Variants in LCLAT1 observed in about 807,000 individuals in gnomAD.
The protein encoded by LCLAT1 is 1-AGP acyltransferase 8.
A neutral mutation model predicts 30.7 loss-of-function variants in LCLAT1; 11 were observed. That is an observed-to-expected ratio of 0.36 (90% CI 0.23 to 0.59). The LOEUF (loss-of-function observed/expected upper bound fraction) is 0.59, where lower values mean the gene tolerates loss of function less well. Ranked by LOEUF, LCLAT1 falls within the 20% of genes least tolerant of loss-of-function variation. The pLI is 0.77. For missense variants in LCLAT1, 402 were observed against 458.6 expected, an observed-to-expected ratio of 0.88 and a Z score of 1.13; for synonymous variants, 155 against 151.3, an observed-to-expected ratio of 1.02 and a Z score of -0.18.
intron 3 of LCLAT1, among the ~76,000 whole-genome samples, chr2:30,534,588 T>C (rs1686150525): frequency 6.6e-6 from 1 of 152,222 alleles, no homozygotes; most frequent in African/African-American, 2.4e-5. Context: ...TGTTTGTGTT[T>C]TAATTGCCTT....
intron 4 of LCLAT1, among the ~76,000 whole-genome samples, chr2:30,564,962 A>G (rs772397012): frequency 1.3e-5 from 2 of 152,220 alleles, no homozygotes; most frequent in East Asian, 1.9e-4. Context: ...AAAACTTGCT[A>G]TAATCCCACT....
intron 5 of LCLAT1, among the ~76,000 whole-genome samples, chr2:30,610,549 C>T (rs1290490058): frequency 6.6e-6 from 1 of 152,082 alleles, no homozygotes; most frequent in Non-Finnish European, 1.5e-5. Flanking sequence ...TAACAGATCT[C>T]TCAGGTATTT....
intron 5 of LCLAT1, among the ~76,000 whole-genome samples, chr2:30,569,786 T>C (rs1665692830): frequency 6.6e-6 from 1 of 152,236 alleles, no homozygotes; most frequent in South Asian, 2.1e-4. Context: ...GTTATTCATA[T>C]TACTTTGGTT....
At chr2:30,493,227 A>G (rs763501600) in intron 1 of LCLAT1, among the ~76,000 whole-genome samples, 1 of 152,244 alleles carries the variant, frequency 6.6e-6, no homozygotes, top group Non-Finnish European at 1.5e-5. Flanking sequence ...TATTTAATGT[A>G]GACTTTCATA....
chr2:30,465,036 C>T (rs902625251), intron 1 of LCLAT1, among the ~76,000 whole-genome samples: 1 of 152,008 alleles, frequency 6.6e-6, no homozygotes, highest in African/African-American at 2.4e-5. Flanking sequence ...TAAAGAGATC[C>T]TCTGTGGTAG....
chr2:30,603,527 T>C (rs1024891267), intron 5 of LCLAT1, among the ~76,000 whole-genome samples: 1 of 152,066 alleles, frequency 6.6e-6, no homozygotes, highest in African/African-American at 2.4e-5. Context: ...CATACTCAAA[T>C]TCTCAATCAA....
At chr2:30,596,094 A>G (rs1397605051) in intron 5 of LCLAT1, among the ~76,000 whole-genome samples, 1 of 152,174 alleles carries the variant, frequency 6.6e-6, no homozygotes, top group Non-Finnish European at 1.5e-5. Flanking sequence ...GCTGCAGTAA[A>G]TACATGCGTG....
At chr2:30,470,387 C>T (rs753030132) in intron 1 of LCLAT1, among the ~76,000 whole-genome samples, 2 of 152,154 alleles carry the variant, frequency 1.3e-5, no homozygotes, top group Non-Finnish European at 2.9e-5. Context: ...ATTCAGGCTC[C>T]TACTGTAATT....
chr2:30,601,663 T>G (rs1386974825), intron 5 of LCLAT1, among the ~76,000 whole-genome samples: 2 of 38,694 alleles, frequency 5.2e-5, no homozygotes, highest in African/African-American at 2.8e-4. Flanking sequence ...GATCCCAAGA[T>G]TAATAGATGC....
intron 5 of LCLAT1, among the ~76,000 whole-genome samples, chr2:30,597,550 C>T (rs1666979270): frequency 6.6e-6 from 1 of 152,100 alleles, no homozygotes; most frequent in Non-Finnish European, 1.5e-5. Flanking sequence ...TGGGCTGAGG[C>T]AGTGGGATTT....
intron 3 of LCLAT1, among the ~76,000 whole-genome samples, chr2:30,557,660 C>T (rs1201530498): frequency 1.3e-5 from 2 of 152,142 alleles, no homozygotes; most frequent in Non-Finnish European, 2.9e-5. Context: ...GGTGATCCAC[C>T]TGCCTCGGCC....
intron 4 of LCLAT1, among the ~76,000 whole-genome samples, chr2:30,565,470 A>T (rs891350187): frequency 6.6e-6 from 1 of 152,202 alleles, no homozygotes; most frequent in African/African-American, 2.4e-5. Context: ...CATCTAGAAT[A>T]ATATTTGATG....
chr2:30,516,715 G>A (rs1456747397), intron 1 of LCLAT1, among the ~76,000 whole-genome samples: 1 of 152,148 alleles, frequency 6.6e-6, no homozygotes, highest in Non-Finnish European at 1.5e-5. Flanking sequence ...AACATCTGGT[G>A]GCCTGTACAG....
chr2:30,478,802 G>A (rs2148305446), intron 1 of LCLAT1, among the ~76,000 whole-genome samples: 1 of 152,312 alleles, frequency 6.6e-6, no homozygotes, highest in East Asian at 1.9e-4. Context: ...CTTTGGCATA[G>A]TATTTGTAAC....
chr2:30,526,232 T>G lies in LCLAT1; in HGVS notation c.165+477T>G, dbSNP rs553351473. On this transcript the variant is annotated intron_variant, in intron 2 of 5. Transcript: ENST00000379509. ...TCTGCCTTATTCTCTCTCTCCTCAT[T>G]TTGGGACTACAATTATATGTATGTT... Among the ~76,000 whole-genome samples the G allele has an allele frequency of 2.0e-5, 3 of 152,278 alleles. No individual in the cohort carries two copies. The East Asian group carries it at 5.8e-4, about 29-fold the overall frequency.
At chr2:30,448,538 G>T (rs548306875) in intron 1 of LCLAT1, among the ~76,000 whole-genome samples, 1 of 152,152 alleles carries the variant, frequency 6.6e-6, no homozygotes, top group Non-Finnish European at 1.5e-5. Flanking sequence ...ACGTAATAGC[G>T]CTTGTGTTTC....
chr2:30,599,245 G>A (rs1405224294), intron 5 of LCLAT1, among the ~76,000 whole-genome samples: 2 of 152,176 alleles, frequency 1.3e-5, no homozygotes, highest in African/African-American at 2.4e-5. Flanking sequence ...GCCTCCTAAA[G>A]TGCTGGGATT....
chr2:30,505,153 T>G (rs1464630745), intron 1 of LCLAT1, among the ~76,000 whole-genome samples: 1 of 152,148 alleles, frequency 6.6e-6, no homozygotes, highest in East Asian at 1.9e-4. Flanking sequence ...GGAAACATCT[T>G]TGTACATTCA....
chr2:30,557,281 A>C (rs1293640746), intron 3 of LCLAT1, among the ~76,000 whole-genome samples: 1 of 112,660 alleles, frequency 8.9e-6, no homozygotes. Flanking sequence ...AGAAGGTATG[A>C]TCGTGTGTGT....
Sources: gnomAD v4.1 joint callset for allele counts (sites outside exome capture counted in the v4.1 genomes callset) on GRCh38, gnomAD v4.1.1 for gene constraint, MANE v1.5 for transcripts, NCBI Gene and HGNC (gene_info 2026-07-23, HGNC 2026-07-21) for gene names.